DNAH7: variants seen among roughly 807,000 people sequenced by gnomAD.
The protein encoded by DNAH7 is dynein axonemal heavy chain 7, also known as axonemal beta dynein heavy chain 7.
Under a neutral mutation model 444.6 loss-of-function variants are expected in DNAH7, and 397 were observed. The observed-to-expected ratio is 0.89, with a 90% CI of 0.82 to 0.97. The LOEUF is 0.97. Among genes scored for constraint, DNAH7 ranks in the 50% least tolerant of loss-of-function variants. The pLI is 0.00. For missense variants in DNAH7, 4,902 were observed against 4,800.8 expected (o/e 1.02, Z -0.62); for synonymous variants, 1,636 against 1,624.4 (o/e 1.01, Z -0.17).
intron 16 of DNAH7, among the ~76,000 whole-genome samples, chr2:195,971,104 T>C (rs1443719482): frequency 6.6e-6 from 1 of 152,258 alleles, no homozygotes; most frequent in Non-Finnish European, 1.5e-5. Flanking sequence ...AACTACAGTT[T>C]AAAATGAAGA....
At chr2:195,812,196 C>T (rs1181214467) in intron 51 of DNAH7, among the ~76,000 whole-genome samples, 3 of 152,096 alleles carry the variant, frequency 2.0e-5, no homozygotes, top group African/African-American at 4.8e-5. Flanking sequence ...TCCTCCCTAA[C>T]GCCCTGCCCA....
At chr2:195,907,152 A>AT (rs1174372728) in intron 25 of DNAH7, 143 bp from the exon 26 acceptor site, 3 of 593,538 alleles carry the variant, frequency 5.1e-6, no homozygotes, top group Admixed American at 3.3e-5. Context: ...AAGGCAGCTG[A>AT]TTTTTTCATT....
At chr2:195,750,857 T>C (rs1224634975) in intron 63 of DNAH7, among the ~76,000 whole-genome samples, 1 of 152,214 alleles carries the variant, frequency 6.6e-6, no homozygotes, top group East Asian at 1.9e-4. Context: ...TAGACATTCC[T>C]TTCCTCCATT....
rs751580833 is a variant in DNAH7, at chr2:195,824,264, T to C, written c.9282A>G (p.Thr3094=). Residue 3094 remains threonine (T), a synonymous_variant, in exon 49 of 65, where the codon ACA becomes ACG. Transcript: ENST00000312428. The part of the protein sequence containing the change: ...KLRNPHYLPE[T]SVKVTLLNFM... ...CATTTTATATACTGGCCTTTACTGA[T>C]GTTTCAGGAAGATAATGAGGATTTC... 3.7e-5 allele frequency: 59 copies of C among 1,611,926 alleles called. No homozygotes were observed. The highest frequency in any genetic ancestry group is 4.6e-5 in the Non-Finnish European group (54 of 1,178,936).
chr2:195,986,067 C>T (rs903002070), intron 14 of DNAH7, among the ~76,000 whole-genome samples: 5 of 152,186 alleles, frequency 3.3e-5, no homozygotes, highest in African/African-American at 1.2e-4. Context: ...ACCTGACGGA[C>T]TCCCACTCTT....
At chr2:195,824,761 C>T (rs1457926121) in intron 48 of DNAH7, among the ~76,000 whole-genome samples, 2 of 152,208 alleles carry the variant, frequency 1.3e-5, no homozygotes, top group East Asian at 1.9e-4. Flanking sequence ...GAAGTTTATC[C>T]ATCTGAGACA....
chr2:195,935,838 G>C (rs569677183), intron 20 of DNAH7, among the ~76,000 whole-genome samples: 1 of 152,202 alleles, frequency 6.6e-6, no homozygotes, highest in South Asian at 2.1e-4. Context: ...TTTGGGTAAG[G>C]AGCATCCCAG....
chr2:195,807,246 T>A (rs1424692271), intron 53 of DNAH7, among the ~76,000 whole-genome samples: 1 of 152,050 alleles, frequency 6.6e-6, no homozygotes, highest in African/African-American at 2.4e-5. Context: ...AACCTCTGCC[T>A]CCTGGGTTCA....
chr2:195,806,966 G>C (rs1335035884), intron 53 of DNAH7, 134 bp from the exon 54 acceptor site: 1 of 590,606 alleles, frequency 1.7e-6, no homozygotes, highest in Non-Finnish European at 2.9e-6. Flanking sequence ...TTAGTGTAAA[G>C]TTGGGACATT....
intron 10 of DNAH7, among the ~76,000 whole-genome samples, chr2:196,006,234 A>G (rs1305389139): frequency 2.0e-5 from 3 of 152,140 alleles, no homozygotes; most frequent in African/African-American, 7.2e-5. Context: ...TGAACCCAGG[A>G]AGCAGGGGTT....
At position 195,811,548 on chromosome 2, in the gene DNAH7, G is replaced by A. The variant is rs186675125; in HGVS notation, c.9762-1677C>T. ...GCATTTTTTGTAGAGACAGGGTTTT[G>A]CCATGTCACCCAGGCTGGTATCGAA... On this transcript the variant is annotated intron_variant, in intron 51 of 64. Coordinates refer to ENST00000312428, the MANE Select transcript of DNAH7 (RefSeq NM_018897.3). 2.7e-3 allele frequency among the ~76,000 whole-genome samples: 403 copies of A among 152,054 alleles called. 3 individuals carry two copies. The highest frequency in any genetic ancestry group is 4.0e-3 in the Non-Finnish European group (273 of 67,974).
At chr2:195,909,600 A>G (rs1041651615) in intron 25 of DNAH7, among the ~76,000 whole-genome samples, 1 of 152,212 alleles carries the variant, frequency 6.6e-6, no homozygotes, top group Non-Finnish European at 1.5e-5. Context: ...AACAAATAAT[A>G]AAACTTAAGA....
intron 10 of DNAH7, among the ~76,000 whole-genome samples, chr2:196,002,940 A>G (rs1344733478): frequency 6.6e-6 from 1 of 151,992 alleles, no homozygotes; most frequent in Non-Finnish European, 1.5e-5. Context: ...CCTGGGAAGC[A>G]GAAGTTGCAG....
chr2:195,924,462 C>T (rs1300869865), intron 22 of DNAH7, among the ~76,000 whole-genome samples: 2 of 152,064 alleles, frequency 1.3e-5, no homozygotes, highest in Non-Finnish European at 2.9e-5. Context: ...GGTGTGGTGG[C>T]ATGTGCCTGT....
At chr2:195,995,357 C>T in intron 12 of DNAH7, 1 of 514,290 alleles carries the variant, frequency 1.9e-6, no homozygotes, top group Non-Finnish European at 3.9e-6. Context: ...GGCTCAGGAG[C>T]TGAATGAACT....
At chr2:195,775,554 GAT>G (rs914302045) in intron 60 of DNAH7, among the ~76,000 whole-genome samples, 12 of 151,288 alleles carry the variant, frequency 7.9e-5, no homozygotes, top group African/African-American at 2.9e-4. Context: ...CACAATGTAT[GAT>G]GTATTTAGGT....
At chr2:195,992,013 T>C (rs1201049713) in intron 12 of DNAH7, among the ~76,000 whole-genome samples, 1 of 152,174 alleles carries the variant, frequency 6.6e-6, no homozygotes, top group Non-Finnish European at 1.5e-5. Context: ...AAATACAGCA[T>C]TACCTTACAA....
At chr2:195,846,103 T>C (rs1698976651) in intron 46 of DNAH7, among the ~76,000 whole-genome samples, 1 of 152,192 alleles carries the variant, frequency 6.6e-6, no homozygotes. Context: ...ATTTGCAAAC[T>C]ATGCATCTGA....
At chr2:195,805,236 C>T (rs915324846) in intron 54 of DNAH7, among the ~76,000 whole-genome samples, 3 of 151,838 alleles carry the variant, frequency 2.0e-5, no homozygotes, top group African/African-American at 7.3e-5. Context: ...TTTAATTAAA[C>T]TTAATATAAA....
Sources: gnomAD v4.1 joint callset for allele counts (sites outside exome capture counted in the v4.1 genomes callset) on GRCh38, gnomAD v4.1.1 for gene constraint, MANE v1.5 for transcripts, NCBI Gene and HGNC (gene_info 2026-07-23, HGNC 2026-07-21) for gene names.